The following ARHGAP18 variants were observed in gnomAD, a reference collection of about 807,000 sequenced individuals.
ARHGAP18 encodes rho GTPase-activating protein 18.
ARHGAP18 carries 67 observed loss-of-function variants against 86.2 expected under a neutral mutation model. The ratio of observed to expected loss-of-function variants is 0.78; its 90% confidence interval spans 0.64 to 0.95. The LOEUF (loss-of-function observed/expected upper bound fraction) is 0.95, where lower values mean the gene tolerates loss of function less well. Ranked by LOEUF, ARHGAP18 falls within the 40% of genes least tolerant of loss-of-function variation. The probability of loss-of-function intolerance (pLI) is 0.00; values close to 1 mark genes in which losing one functional copy is unlikely to be tolerated. For synonymous variants in ARHGAP18, 283 were observed against 280.4 expected (o/e 1.01, Z -0.09); for missense variants, 691 against 780.4 (o/e 0.89, Z 1.37).
At chr6:129,613,717 T>C (rs180994538) in intron 7 of ARHGAP18, among the ~76,000 whole-genome samples, 1 of 152,276 alleles carries the variant, frequency 6.6e-6, no homozygotes, top group Admixed American at 6.5e-5. Flanking sequence ...TCACTGAAAA[T>C]AACATTTTTA....
chr6:129,611,872 C>T (rs1302332147), intron 7 of ARHGAP18, among the ~76,000 whole-genome samples: 1 of 152,194 alleles, frequency 6.6e-6, no homozygotes, highest in South Asian at 2.1e-4. Flanking sequence ...GTACTCCAAA[C>T]AAACAGAATA....
intron 14 of ARHGAP18, among the ~76,000 whole-genome samples, 163 bp downstream of exon 14, chr6:129,579,907 G>C (rs1356014861): frequency 6.6e-6 from 1 of 152,160 alleles, no homozygotes; most frequent in Non-Finnish European, 1.5e-5. Flanking sequence ...AGAGCCTGAA[G>C]AGAAAGGTCA....
chr6:129,580,939 A>C (rs1788274291), intron 13 of ARHGAP18, among the ~76,000 whole-genome samples: 1 of 152,146 alleles, frequency 6.6e-6, no homozygotes, highest in Non-Finnish European at 1.5e-5. Flanking sequence ...GGCAGCACAG[A>C]CCCTCAGAGT....
intron 1 of ARHGAP18, among the ~76,000 whole-genome samples, chr6:129,696,594 T>C (rs902429886): frequency 1.3e-5 from 2 of 152,160 alleles, no homozygotes. Flanking sequence ...TTCTATTATA[T>C]ATGGGGAATT....
intron 2 of ARHGAP18, among the ~76,000 whole-genome samples, chr6:129,639,602 A>T (rs1479071640): frequency 1.3e-5 from 2 of 152,242 alleles, no homozygotes; most frequent in African/African-American, 4.8e-5. Context: ...CACATGGTAT[A>T]GCACCTAGTC....
At chr6:129,612,676 G>T (rs1042388318) in intron 7 of ARHGAP18, among the ~76,000 whole-genome samples, 4 of 152,182 alleles carry the variant, frequency 2.6e-5, no homozygotes, top group Non-Finnish European at 5.9e-5. Flanking sequence ...TAGGAGCAAA[G>T]CATCATAAAT....
At chr6:129,656,623 G>A (rs567080122) in intron 1 of ARHGAP18, among the ~76,000 whole-genome samples, 48 of 151,886 alleles carry the variant, frequency 3.2e-4, no homozygotes, top group African/African-American at 1.0e-3. Flanking sequence ...CAGCCTGGGC[G>A]ACAAAGCGAG....
At chr6:129,610,757 A>G (rs1280313327) in intron 8 of ARHGAP18, among the ~76,000 whole-genome samples, 2 of 152,136 alleles carry the variant, frequency 1.3e-5, no homozygotes, top group Non-Finnish European at 1.5e-5. Flanking sequence ...CCTCCTGAGT[A>G]GCTGGGATTA....
chr6:129,707,179 G>A (rs1359476183), intron 1 of ARHGAP18, among the ~76,000 whole-genome samples: 2 of 151,824 alleles, frequency 1.3e-5, no homozygotes, highest in African/African-American at 2.4e-5. Context: ...GTTGTGGTGA[G>A]CCAAGAGTGC....
intron 1 of ARHGAP18, among the ~76,000 whole-genome samples, chr6:129,697,786 C>T (rs770582021): frequency 2.0e-5 from 3 of 151,936 alleles, no homozygotes; most frequent in Non-Finnish European, 4.4e-5. Flanking sequence ...AATTAACAAC[C>T]AATAATTTAT....
chr6:129,607,835 A>G, intron 9 of ARHGAP18, 58 bp downstream of exon 9: 1 of 1,471,202 alleles, frequency 6.8e-7, no homozygotes, highest in South Asian at 1.5e-5. Context: ...ATGTCATTAA[A>G]ACAATTAACA....
chr6:129,626,490 C>G (rs1349074199), intron 5 of ARHGAP18, among the ~76,000 whole-genome samples: 4 of 151,422 alleles, frequency 2.6e-5, no homozygotes, highest in Non-Finnish European at 5.9e-5. Context: ...ACTTATAAGC[C>G]AAAATGAAAT....
chr6:129,600,634 A>G lies in ARHGAP18; in HGVS notation c.1572+8T>C, dbSNP rs1188976981. ...CTACTAAGACCAAAGCATATGATAT[A>G]TACTTACTGTCCACAGAAGTTTTTG... On this transcript the variant is annotated splice_region_variant and intron_variant, in intron 11 of 14. Coordinates refer to ENST00000368149, the MANE Select transcript of ARHGAP18 (RefSeq NM_033515.3). The G allele has an allele frequency of 3.7e-6, 6 of 1,610,576 alleles. No homozygotes were observed. The highest frequency in any genetic ancestry group is 5.1e-6 in the Non-Finnish European group (6 of 1,177,256).
chr6:129,587,813 C>T (rs1318439838), intron 12 of ARHGAP18, among the ~76,000 whole-genome samples: 1 of 152,122 alleles, frequency 6.6e-6, no homozygotes, highest in Non-Finnish European at 1.5e-5. Flanking sequence ...CATATCATTC[C>T]ATCCCCAGCC....
chr6:129,628,777 G>A (rs978271716), intron 5 of ARHGAP18, among the ~76,000 whole-genome samples: 1 of 152,100 alleles, frequency 6.6e-6, no homozygotes, highest in African/African-American at 2.4e-5. Flanking sequence ...AAACAGACCT[G>A]ACAACAAATA....
intron 1 of ARHGAP18, among the ~76,000 whole-genome samples, chr6:129,666,927 A>ACTC (rs758257515): frequency 2.0e-5 from 3 of 152,174 alleles, no homozygotes; most frequent in Non-Finnish European, 4.4e-5. Flanking sequence ...CACTTCCTTT[A>ACTC]AATCTGGGAT....
At chr6:129,581,703 A>T (rs1469417564) in intron 13 of ARHGAP18, among the ~76,000 whole-genome samples, 2 of 152,178 alleles carry the variant, frequency 1.3e-5, no homozygotes, top group African/African-American at 4.8e-5. Flanking sequence ...TTTATTATAC[A>T]TATATTGTAT....
chr6:129,589,757 G>A (rs1788473974), intron 12 of ARHGAP18, among the ~76,000 whole-genome samples: 1 of 152,154 alleles, frequency 6.6e-6, no homozygotes, highest in African/African-American at 2.4e-5. Flanking sequence ...GCATAGATGA[G>A]TTTATTAAGG....
intron 3 of ARHGAP18, among the ~76,000 whole-genome samples, chr6:129,635,938 ATGT>A (rs1773323271): frequency 6.6e-6 from 1 of 152,204 alleles, no homozygotes; most frequent in African/African-American, 2.4e-5. Flanking sequence ...TGCTGGAAAA[ATGT>A]TGTTTCTAGC....
Sources: gnomAD v4.1 joint callset for allele counts (sites outside exome capture counted in the v4.1 genomes callset) on GRCh38, gnomAD v4.1.1 for gene constraint, MANE v1.5 for transcripts, NCBI Gene and HGNC (gene_info 2026-07-23, HGNC 2026-07-21) for gene names.